UBE3A: variants seen among roughly 807,000 people sequenced by gnomAD.
UBE3A encodes ubiquitin protein ligase E3A, also known as ubiquitin-protein ligase E3A.
Under a neutral mutation model 83.4 loss-of-function variants are expected in UBE3A, and 6 were observed. That is an observed-to-expected ratio of 0.07 (90% confidence interval 0.04 to 0.14). The LOEUF is 0.14. Among genes scored for constraint, UBE3A ranks in the 10% least tolerant of loss-of-function variants. UBE3A has a pLI of 1.00. For synonymous variants in UBE3A, 337 were observed against 355.4 expected (o/e 0.95, Z 0.58); for missense variants, 456 against 1,036.1 (o/e 0.44, Z 7.69).
At chr15:25,388,481 G>A (rs1160487994) in intron 4 of UBE3A, among the ~76,000 whole-genome samples, 3 of 152,004 alleles carry the variant, frequency 2.0e-5, no homozygotes, top group Non-Finnish European at 2.9e-5. Flanking sequence ...GATAAAGAAC[G>A]TTTACAAAAA....
intron 4 of UBE3A, among the ~76,000 whole-genome samples, chr15:25,380,645 G>A (rs1054570929): frequency 6.6e-6 from 1 of 152,184 alleles, no homozygotes; most frequent in Non-Finnish European, 1.5e-5. Context: ...GAATTTCCCT[G>A]ATGAGATCCC....
rs542098470 is a variant in UBE3A, at chr15:25,398,177, A to G, written c.62+7284T>C. 2.6e-5 allele frequency among the ~76,000 whole-genome samples: 4 copies of G among 150,964 alleles called. No homozygotes were observed. In the South Asian group the frequency reaches 6.3e-4, roughly 24 times the overall value. The stretch of plus-strand genomic sequence containing the variant: ...AGCAAGACTCTGTCTCAAAAAAAAA[A>G]AAAAAAAAAAAAAACACAAAAAACA... On this transcript the variant is annotated intron_variant, in intron 4 of 12. Transcript: ENST00000648336.
At position 25,334,970 on chromosome 15, in the gene UBE3A, CAT is replaced by C. The variant is rs954142557; in HGVS notation, c.*4165_*4166del. 5 of 150,622 alleles carry C rather than the reference CAT, an allele frequency of 3.3e-5. No individual in the cohort carries two copies. Among genetic ancestry groups the C allele is most frequent in the Non-Finnish European group, 5.9e-5 (4 of 67,844 alleles). The allele number at this position is 150,622 out of a possible 1,614,324, so 9.3% of individuals were successfully genotyped here. A position where few individuals can be genotyped will look rare whatever the true frequency, so the allele number is the denominator to read the frequency against. On this transcript the variant is annotated 3_prime_UTR_variant, in exon 13 of 13. Coordinates refer to ENST00000648336, the MANE Select transcript of UBE3A (RefSeq NM_130839.5). ...GATAACAGAAAGATGGAGGTAATAA[CAT>C]GTGAAAGGCAAAATGGTTTGTTTTT...
chr15:25,348,049 A>G (rs1019231807), intron 11 of UBE3A, among the ~76,000 whole-genome samples: 1 of 152,170 alleles, frequency 6.6e-6, no homozygotes, highest in African/African-American at 2.4e-5. Flanking sequence ...ATTTAAAAAA[A>G]AACAAATGGT....
In UBE3A at chr15:25,356,899, A is replaced by G. The variant is rs1398256620; in HGVS notation, c.1754-3T>C. The stretch of plus-strand genomic sequence containing the variant: ...AGATTCATCGTATGTGAACATACCT[A>G]TAAGAAATGATTTTTAAAAATACAT... On this transcript the variant is annotated splice_region_variant and splice_polypyrimidine_tract_variant and intron_variant, in intron 7 of 12. Coordinates refer to ENST00000648336, the MANE Select transcript of UBE3A (RefSeq NM_130839.5). 9 of 1,607,858 alleles carry G rather than the reference A, an allele frequency of 5.6e-6. No homozygotes were observed. The highest frequency in any genetic ancestry group is 1.7e-4 in the Middle Eastern group (1 of 6,018).
In UBE3A at chr15:25,355,966, G is replaced by C; in HGVS notation, c.2050C>G (p.Leu684Val). ...MITFQISQTD[L>V]FGNPMMYDLK... ...TCATACATCATTGGGTTACCAAAAA[G>C]ATCTGTCTGTGATATCTGGAAAGTG... The change falls in exon 9 of 13, where the codon CTT (leucine) becomes GTT (valine). Residue 684 changes from leucine (L) to valine (V), a missense_variant. Transcript: ENST00000648336. 1 of 1,613,668 alleles carries C rather than the reference G, an allele frequency of 6.2e-7. No individual in the cohort carries two copies. Among genetic ancestry groups the C allele is most frequent in the Non-Finnish European group, 8.5e-7 (1 of 1,179,774 alleles).
At chr15:25,353,189 T>C (rs758016337) in intron 11 of UBE3A, among the ~76,000 whole-genome samples, 1 of 152,140 alleles carries the variant, frequency 6.6e-6, no homozygotes, top group Non-Finnish European at 1.5e-5. Flanking sequence ...TCAGAACAGG[T>C]AGCAGCACAG....
At chr15:25,414,548 A>G (rs532385285) in intron 1 of UBE3A, among the ~76,000 whole-genome samples, 89 of 152,308 alleles carry the variant, frequency 5.8e-4, no homozygotes, top group African/African-American at 2.1e-3. Context: ...AAGAAAAGGA[A>G]AACCATTCTT....
At chr15:25,413,317 T>C (rs968224978) in intron 1 of UBE3A, among the ~76,000 whole-genome samples, 3 of 152,180 alleles carry the variant, frequency 2.0e-5, no homozygotes, top group African/African-American at 7.2e-5. Flanking sequence ...TTCATTTCTA[T>C]TTTTCCTTCA....
chr15:25,427,706 G>A (rs1891777289), intron 1 of UBE3A, among the ~76,000 whole-genome samples: 2 of 144,634 alleles, frequency 1.4e-5, no homozygotes, highest in South Asian at 2.2e-4. Context: ...CAAGACTATC[G>A]CTTGAGGCCA....
intron 1 of UBE3A, among the ~76,000 whole-genome samples, chr15:25,434,493 T>C (rs1356574818): frequency 6.6e-6 from 1 of 152,252 alleles, no homozygotes; most frequent in Non-Finnish European, 1.5e-5. Context: ...GTTTGGATTA[T>C]GGAATATGTC....
chr15:25,361,338 A>G (rs1291672525), intron 6 of UBE3A, among the ~76,000 whole-genome samples: 6 of 152,012 alleles, frequency 3.9e-5, no homozygotes, highest in Non-Finnish European at 8.8e-5. Flanking sequence ...GTTTGCCAGG[A>G]TGGTCTTGAA....
intron 4 of UBE3A, among the ~76,000 whole-genome samples, chr15:25,397,856 C>A (rs1407438549): frequency 6.6e-6 from 1 of 152,116 alleles, no homozygotes; most frequent in African/African-American, 2.4e-5. Context: ...TCCCAATACT[C>A]TAGGCCCCCA....
intron 4 of UBE3A, among the ~76,000 whole-genome samples, chr15:25,392,012 C>T (rs187892599): frequency 7.9e-5 from 12 of 151,632 alleles, no homozygotes; most frequent in East Asian, 3.9e-4. Context: ...CCTCAAAAAC[C>T]GAGAAGAAAC....
At chr15:25,411,566 G>A (rs2090000375) in intron 2 of UBE3A, among the ~76,000 whole-genome samples, 1 of 152,154 alleles carries the variant, frequency 6.6e-6, no homozygotes, top group Non-Finnish European at 1.5e-5. Flanking sequence ...CTCCAGCCTG[G>A]GCAACAGAGC....
chr15:25,410,373 T>C (rs1024826621), intron 2 of UBE3A, among the ~76,000 whole-genome samples: 1 of 152,150 alleles, frequency 6.6e-6, no homozygotes, highest in African/African-American at 2.4e-5. Context: ...GACACTGTAG[T>C]TCTGGCAAAG....
At chr15:25,367,198 CATATTTGTAAATATGTAA>C (rs1338747551) in intron 6 of UBE3A, among the ~76,000 whole-genome samples, 124 of 108,976 alleles carry the variant, frequency 1.1e-3, no homozygotes, top group South Asian at 3.3e-3. Flanking sequence ...TAAATATTTA[CATATTTGTAAATATGTAA>C]ATATTTACAT....
intron 1 of UBE3A, among the ~76,000 whole-genome samples, chr15:25,427,634 C>CAAAAAAAAAA (rs1891753056): frequency 9.5e-6 from 1 of 105,606 alleles, no homozygotes; most frequent in African/African-American, 3.4e-5. Context: ...AAAAAAAACC[C>CAAAAAAAAAA]ACAAAACTTA....
chr15:25,336,526 G>C lies in UBE3A; in HGVS notation c.*2611C>G, dbSNP rs1413495895. 1.3e-5 allele frequency: 2 copies of C among 151,950 alleles called. No individual in the cohort carries two copies. Among genetic ancestry groups the C allele is most frequent in the East Asian group, 3.9e-4 (2 of 5,116 alleles). 9.4% of individuals were successfully genotyped at this position (151,950 alleles called of 1,614,324 possible). ...TGAGTAACATCGGCAAGTTCTGTTC[G>C]AAGCCTTTTTCAAGTTTCTTTTTGA... is the stretch of plus-strand genomic sequence containing the variant. On this transcript the variant is annotated 3_prime_UTR_variant, in exon 13 of 13. Transcript: ENST00000648336.
Sources: allele counts gnomAD v4.1 joint callset (sites outside exome capture counted in the v4.1 genomes callset), GRCh38; gene constraint gnomAD v4.1.1; transcripts MANE v1.5; gene names NCBI Gene and HGNC (gene_info 2026-07-23, HGNC 2026-07-21).